The following GATD1 variants were observed in gnomAD, a reference collection of about 807,000 sequenced individuals.
GATD1 encodes the protein glutamine amidotransferase class 1 domain containing 1, also known as glutamine amidotransferase-like class 1 domain-containing protein 1.
In GATD1, 23 loss-of-function variants were observed where a neutral mutation model predicts 25.9. The ratio of observed to expected loss-of-function variants is 0.89; its 90% CI spans 0.64 to 1.26. The LOEUF (loss-of-function observed/expected upper bound fraction) is 1.26. Ranked by LOEUF, GATD1 falls within the 50% of genes most tolerant of loss-of-function variation. GATD1 has a pLI of 0.00. For synonymous variants in GATD1, 177 were observed against 134.6 expected, an observed-to-expected ratio of 1.31 and a Z score of -2.18; for missense variants, 347 against 312.5, an observed-to-expected ratio of 1.11 and a Z score of -0.83.
At chr11:773,089 C>T (rs1410021180) in intron 4 of GATD1, among the ~76,000 whole-genome samples, 5 of 152,210 alleles carry the variant, frequency 3.3e-5, no homozygotes, top group Admixed American at 1.3e-4. Flanking sequence ...CTGTGTAGAG[C>T]GCTGGCTTGT....
Position 777,463 on chromosome 11 carries a change from G to T in GATD1, c.-1C>A. On this transcript the variant is annotated 5_prime_UTR_variant, in exon 1 of 8. Coordinates refer to ENST00000319863, the MANE Select transcript of GATD1 (RefSeq NM_182612.4). ...TGTTAGGGAGCCGCTCGGACGCCAT[G>T]GCTCGGGCTCGGCGCTGGGTCTGCG... 2.4e-6 allele frequency: 3 copies of T among 1,235,618 alleles called. No homozygotes were observed. The highest frequency in any genetic ancestry group is 3.0e-6 in the Non-Finnish European group (3 of 987,368). The allele number at this position is 1,235,618 out of a possible 1,614,324, so 76.5% of individuals were successfully genotyped here. A position where few individuals can be genotyped will look rare whatever the true frequency, so the allele number is the denominator to read the frequency against.
In GATD1 at chr11:770,103, G is replaced by A; in HGVS notation, c.*794C>T. 8.2e-7 allele frequency: 1 copy of A among 1,219,682 alleles called. No homozygotes were observed. The highest frequency in any genetic ancestry group is 1.0e-6 in the Non-Finnish European group (1 of 979,892). 75.6% of individuals were successfully genotyped at this position (1,219,682 alleles called of 1,614,324 possible). On this transcript the variant is annotated 3_prime_UTR_variant, in exon 8 of 8. Coordinates refer to ENST00000319863, the MANE Select transcript of GATD1 (RefSeq NM_182612.4). ...CCTCTCCTGGACGCCCTAACCTGGG[G>A]CCAGGGGGCAGCCCGCTGGAGGGCC...
At position 769,374 on chromosome 11, in the gene GATD1, G is replaced by A. The variant is rs936643855; in HGVS notation, c.*1523C>T. 5 of 857,830 alleles carry A rather than the reference G, an allele frequency of 5.8e-6. No individual in the cohort carries two copies. The highest frequency in any genetic ancestry group is 7.0e-6 in the Non-Finnish European group (5 of 713,782). 53.1% of individuals were successfully genotyped at this position (857,830 alleles called of 1,614,324 possible). On this transcript the variant is annotated 3_prime_UTR_variant, in exon 8 of 8. Transcript: ENST00000319863. ...TTTCACTCATTGCCCAGGTTGGAGTGCAATGGCGCAATCTTGGCTCACTGC... is the reference window on the plus strand; with the variant it reads ...TTTCACTCATTGCCCAGGTTGGAGTACAATGGCGCAATCTTGGCTCACTGC...
chr11:771,232 G>A, intron 6 of GATD1, 101 bp downstream of exon 6: 1 of 1,548,864 alleles, frequency 6.5e-7, no homozygotes, highest in East Asian at 2.4e-5. Context: ...TGCCATGGGG[G>A]TCTATAGAAC....
At chr11:774,182 G>A (rs1478182909) in intron 2 of GATD1, 69 bp from the exon 3 acceptor site, 4 of 1,392,136 alleles carry the variant, frequency 2.9e-6, no homozygotes, top group Non-Finnish European at 2.0e-6. Context: ...GAGGGAGCCT[G>A]AAAAAGCTGA....
intron 3 of GATD1, 105 bp downstream of exon 3, chr11:773,903 C>T (rs987776361): frequency 4.0e-6 from 4 of 1,009,204 alleles, no homozygotes; most frequent in South Asian, 1.5e-5. Flanking sequence ...CACAGGGCTT[C>T]AGGGGCTGAG....
chr11:775,820 T>TG (rs1483529652), intron 1 of GATD1, among the ~76,000 whole-genome samples: 2 of 152,240 alleles, frequency 1.3e-5, no homozygotes, highest in Non-Finnish European at 2.9e-5. Context: ...CAGAAGGCTC[T>TG]GGGGGCCTCT....
At position 770,876 on chromosome 11, in the gene GATD1, G is replaced by A; in HGVS notation, c.*21C>T. ...CTGGAGACACCTGGGCTGTCTCAGG[G>A]GGTGCATCTACCCAGCAGGTTCATT... is the stretch of plus-strand genomic sequence containing the variant. On this transcript the variant is annotated 3_prime_UTR_variant, in exon 8 of 8. Coordinates refer to ENST00000319863, the MANE Select transcript of GATD1 (RefSeq NM_182612.4). 6.3e-7 allele frequency: 1 copy of A among 1,598,082 alleles called. No individual in the cohort carries two copies. The highest frequency in any genetic ancestry group is 1.1e-5 in the South Asian group (1 of 88,492).
intron 2 of GATD1, among the ~76,000 whole-genome samples, chr11:774,366 T>G (rs1863755605): frequency 6.6e-6 from 1 of 152,240 alleles, no homozygotes; most frequent in South Asian, 2.1e-4. Flanking sequence ...AAACCCGCAG[T>G]GACAAATACA....
intron 3 of GATD1, 118 bp downstream of exon 3, chr11:773,890 G>T: frequency 1.1e-6 from 1 of 892,204 alleles, no homozygotes; most frequent in South Asian, 1.6e-5. Context: ...TGCCCCAAAT[G>T]GTCACAGGGC....
chr11:774,353 C>G (rs188102093), intron 2 of GATD1, among the ~76,000 whole-genome samples: 1 of 152,344 alleles, frequency 6.6e-6, no homozygotes, highest in African/African-American at 2.4e-5. Flanking sequence ...AATAAATAAA[C>G]AAAAACCCGC....
Position 769,112 on chromosome 11 carries a change from TA to T in GATD1, c.*1784del, listed in dbSNP as rs1404617297. The stretch of plus-strand genomic sequence containing the variant: ...GACAAACTCCATCTCAAAAAATAAA[TA>T]AAATAAAAAGCATTTGTCCACAGAG... On this transcript the variant is annotated 3_prime_UTR_variant, in exon 8 of 8. Coordinates refer to ENST00000319863, the MANE Select transcript of GATD1 (RefSeq NM_182612.4). The T allele has an allele frequency of 1.0e-6, 1 of 969,484 alleles. No individual in the cohort carries two copies. The highest frequency in any genetic ancestry group is 1.2e-6 in the Non-Finnish European group (1 of 823,594). The allele number at this position is 969,484 out of a possible 1,614,324, so 60.1% of individuals were successfully genotyped here. A position where few individuals can be genotyped will look rare whatever the true frequency, so the allele number is the denominator to read the frequency against.
rs1406185609 is a variant in GATD1, at chr11:777,330, G to A, written c.64+69C>T. ...ACGTGACGCGCGCCCACCGTGTCCC[G>A]AACCTCCCGCCCCGGGCAGCCCCCT... On this transcript the variant is annotated intron_variant, in intron 1 of 7. Transcript: ENST00000319863. The A allele has an allele frequency of 7.7e-6, 9 of 1,166,182 alleles. No homozygotes were observed. The African/African-American group carries it at 9.8e-5, about 13-fold the overall frequency. The allele number at this position is 1,166,182 out of a possible 1,614,324, so 72.2% of individuals were successfully genotyped here.
chr11:771,138 T>G, intron 6 of GATD1, 34 bp from the exon 7 acceptor site: 1 of 1,559,458 alleles, frequency 6.4e-7, no homozygotes, highest in Non-Finnish European at 8.7e-7. Flanking sequence ...CCTCAGGCAA[T>G]GTCCACCTCA....
intron 2 of GATD1, among the ~76,000 whole-genome samples, chr11:774,785 G>A (rs1035202209): frequency 4.6e-5 from 7 of 151,964 alleles, no homozygotes; most frequent in African/African-American, 1.7e-4. Flanking sequence ...AGCCGAGATC[G>A]CACCACCGCA....
In GATD1 at chr11:769,739, A is replaced by G. The variant is rs1267113794; in HGVS notation, c.*1158T>C. Reference sequence around the variant, plus strand: ...ATTCTCCTGCCTCAGCCTCCCAAGTAGCTGGGACTACACACACCCACCACC... The same window carrying G: ...ATTCTCCTGCCTCAGCCTCCCAAGTGGCTGGGACTACACACACCCACCACC... On this transcript the variant is annotated 3_prime_UTR_variant, in exon 8 of 8. Transcript: ENST00000319863. 1.0e-5 allele frequency: 2 copies of G among 190,678 alleles called. No individual in the cohort carries two copies. Among genetic ancestry groups the G allele is most frequent in the Admixed American group, 6.5e-5 (1 of 15,308 alleles). 11.8% of individuals were successfully genotyped at this position (190,678 alleles called of 1,614,324 possible). A position where few individuals can be genotyped will look rare whatever the true frequency, so the allele number is the denominator to read the frequency against.
chr11:775,976 C>CTTT lies in GATD1; in HGVS notation c.65-837_65-835dup, dbSNP rs71022972. ...CCTCAGCTTCATTTTTATCTTCATT[C>CTTT]TTTTTTTTTTTTTTTTTTTTTTTTT... On this transcript the variant is annotated intron_variant, in intron 1 of 7. Transcript: ENST00000319863. Among the ~76,000 whole-genome samples the CTTT allele has an allele frequency of 7.0e-3, 503 of 72,308 alleles. 26 individuals are homozygous for CTTT. Among genetic ancestry groups the CTTT allele is most frequent in the African/African-American group, 0.015 (248 of 16,740 alleles). 47.4% of individuals were successfully genotyped at this position (72,308 alleles called of 152,430 possible). A position where few individuals can be genotyped will look rare whatever the true frequency, so the allele number is the denominator to read the frequency against.
intron 6 of GATD1, 86 bp from the exon 7 acceptor site, chr11:771,190 G>C: frequency 6.5e-7 from 1 of 1,544,638 alleles, no homozygotes; most frequent in Non-Finnish European, 8.7e-7. Context: ...CCCAGGGTCA[G>C]CAGTAGGTCA....
Position 768,386 on chromosome 11 carries a change from T to C in GATD1, c.*2511A>G, listed in dbSNP as rs1863177452. 1.3e-5 allele frequency: 2 copies of C among 151,804 alleles called. No homozygotes were observed. The highest frequency in any genetic ancestry group is 4.2e-4 in the South Asian group (2 of 4,794). 9.4% of individuals were successfully genotyped at this position (151,804 alleles called of 1,614,324 possible). A position where few individuals can be genotyped will look rare whatever the true frequency, so the allele number is the denominator to read the frequency against. On this transcript the variant is annotated 3_prime_UTR_variant, in exon 8 of 8. Transcript: ENST00000319863. The stretch of plus-strand genomic sequence containing the variant: ...CGGGAGGCTGAGGCAGGAGAACTGC[T>C]TGAATCTGGGAGGCAGAGGCAGAGG...
Sources: gnomAD v4.1 joint callset for allele counts (sites outside exome capture counted in the v4.1 genomes callset) on GRCh38, gnomAD v4.1.1 for gene constraint, MANE v1.5 for transcripts, NCBI Gene and HGNC (gene_info 2026-07-23, HGNC 2026-07-21) for gene names.